CORIN: variants seen among roughly 807,000 people sequenced by gnomAD.
The protein encoded by CORIN is atrial natriuretic peptide-converting enzyme.
A neutral mutation model predicts 125.3 loss-of-function variants in CORIN; 117 were observed. That is an observed-to-expected ratio of 0.93 (90% CI 0.80 to 1.09). The LOEUF (loss-of-function observed/expected upper bound fraction) is 1.09, where lower values mean the gene tolerates loss of function less well. Among genes scored for constraint, CORIN ranks in the 50% least tolerant of loss-of-function variants. The probability of loss-of-function intolerance (pLI) is 0.00; values close to 1 mark genes in which losing one functional copy is unlikely to be tolerated. For synonymous variants in CORIN, 450 were observed against 466.4 expected (o/e 0.96, Z 0.45); for missense variants, 1,253 against 1,306.7 (o/e 0.96, Z 0.63).
At chr4:47,640,631 G>A (rs2109605918) in intron 16 of CORIN, among the ~76,000 whole-genome samples, 1 of 152,172 alleles carries the variant, frequency 6.6e-6, no homozygotes, top group Admixed American at 6.5e-5. Flanking sequence ...GTGGTTAAAT[G>A]GTGAATTTTA....
chr4:47,818,348 G>A (rs551014952), intron 1 of CORIN, among the ~76,000 whole-genome samples: 17 of 152,232 alleles, frequency 1.1e-4, no homozygotes, highest in African/African-American at 3.4e-4. Flanking sequence ...GGTCTAATAC[G>A]CTTAAAGAGT....
At chr4:47,671,676 C>A (rs1192341562) in intron 10 of CORIN, among the ~76,000 whole-genome samples, 2 of 152,192 alleles carry the variant, frequency 1.3e-5, no homozygotes, top group Non-Finnish European at 2.9e-5. Flanking sequence ...CCTCCACCTC[C>A]TGGATTCATG....
Position 47,693,080 on chromosome 4 carries a change from A to T in CORIN, c.803T>A (p.Leu268His), listed in dbSNP as rs1206866667. 8.7e-6 allele frequency: 14 copies of T among 1,606,214 alleles called. No homozygotes were observed. The highest frequency in any genetic ancestry group is 7.7e-6 in the Non-Finnish European group (9 of 1,173,366). ...SPQQENGKQL[L>H]CGRGENFLCA... The stretch of plus-strand genomic sequence containing the variant: ...CAGAAAGTTCTCACCCCTTCCACAG[A>T]GCACTAAAAAAAAAGGGCAGGAAAT... Residue 268 changes from leucine (L) to histidine (H), a missense_variant, in exon 6 of 22, where the codon CTC becomes CAC. By Grantham distance (99) the Leu-to-His change is moderately conservative (BLOSUM62 -3). Coordinates refer to ENST00000273857, the MANE Select transcript of CORIN (RefSeq NM_006587.4).
chr4:47,771,479 G>C (rs192050600), intron 3 of CORIN, among the ~76,000 whole-genome samples: 4 of 152,194 alleles, frequency 2.6e-5, no homozygotes, highest in Non-Finnish European at 5.9e-5. Context: ...TACATGTGCA[G>C]GTATATTACA....
chr4:47,709,489 G>A (rs1227440715), intron 5 of CORIN, among the ~76,000 whole-genome samples: 1 of 151,886 alleles, frequency 6.6e-6, no homozygotes, highest in Non-Finnish European at 1.5e-5. Context: ...AACGGGTTTT[G>A]CCATGTTGCC....
chr4:47,620,217 T>C (rs1160247433), intron 19 of CORIN, among the ~76,000 whole-genome samples: 6 of 152,340 alleles, frequency 3.9e-5, no homozygotes, highest in Middle Eastern at 3.4e-3. Flanking sequence ...GCTGGAACTG[T>C]ATCCTCTACA....
chr4:47,737,322 T>C lies in CORIN; in HGVS notation c.799+7080A>G, dbSNP rs116725647. On this transcript the variant is annotated intron_variant, in intron 5 of 21. Coordinates refer to ENST00000273857, the MANE Select transcript of CORIN (RefSeq NM_006587.4). ...TCTGGCCCATATCACATATACGATC[T>C]GGCCATATATGTCTACCCTTCAAGA... 1.4e-3 allele frequency among the ~76,000 whole-genome samples: 220 copies of C among 152,346 alleles called. 1 individual carries two copies. Among genetic ancestry groups the C allele is most frequent in the African/African-American group, 5.1e-3 (214 of 41,578 alleles).
intron 12 of CORIN, among the ~76,000 whole-genome samples, chr4:47,656,191 T>C (rs1723970628): frequency 1.3e-5 from 2 of 151,254 alleles, no homozygotes; most frequent in African/African-American, 4.9e-5. Flanking sequence ...GTTTCTCCCT[T>C]GTCGCCCAGG....
chr4:47,599,118 C>T (rs1352093102), intron 21 of CORIN, among the ~76,000 whole-genome samples: 1 of 152,152 alleles, frequency 6.6e-6, no homozygotes, highest in Non-Finnish European at 1.5e-5. Flanking sequence ...CATGCTGCCT[C>T]CTACAACACT....
chr4:47,756,446 C>T (rs927595873), intron 4 of CORIN, among the ~76,000 whole-genome samples: 2 of 152,164 alleles, frequency 1.3e-5, no homozygotes, highest in Non-Finnish European at 1.5e-5. Context: ...AGTGAACACA[C>T]ATAATATAAA....
chr4:47,632,449 T>A (rs1722842327), intron 16 of CORIN: 1 of 152,228 alleles, frequency 6.6e-6, no homozygotes, highest in South Asian at 2.1e-4. Context: ...ATATTCTCCC[T>A]GTTTGGGTCC....
intron 5 of CORIN, among the ~76,000 whole-genome samples, chr4:47,709,980 G>C (rs1188117026): frequency 6.6e-6 from 1 of 152,204 alleles, no homozygotes; most frequent in Admixed American, 6.5e-5. Flanking sequence ...TAGAGTTGAT[G>C]AGTCTCATGG....
At chr4:47,706,557 T>C (rs2109768919) in intron 5 of CORIN, 2 of 1,609,680 alleles carry the variant, frequency 1.2e-6, no homozygotes, top group Admixed American at 1.7e-5. Flanking sequence ...ACGTTATACA[T>C]AGGATTTGTG....
At chr4:47,722,994 G>T (rs140568465) in intron 5 of CORIN, among the ~76,000 whole-genome samples, 1 of 152,300 alleles carries the variant, frequency 6.6e-6, no homozygotes, top group African/African-American at 2.4e-5. Context: ...GAACTGTGCA[G>T]CAGTCTTGAC....
At chr4:47,683,485 ACCTTTAC>A in intron 7 of CORIN, 1 of 368,142 alleles carries the variant, frequency 2.7e-6, no homozygotes, top group Non-Finnish European at 4.9e-6. Context: ...TGCATTAACA[ACCTTTAC>A]CAGTCTTCCC....
chr4:47,734,453 T>C (rs1175726945), intron 5 of CORIN, among the ~76,000 whole-genome samples: 1 of 152,226 alleles, frequency 6.6e-6, no homozygotes, highest in African/African-American at 2.4e-5. Flanking sequence ...CTTTCTCTTT[T>C]AAAATATTCA....
At position 47,786,782 on chromosome 4, in the gene CORIN, CGTGTTGGTCGGGATGT is replaced by C; in HGVS notation, c.336_351del (p.His113PhefsTer23). ...GAAGCATCCGTAGTCCAGGCTGGAA[CGTGTTGGTCGGGATGT>C]GCAGTAGACACCACAGTGCTCTGGT... On this transcript the variant is annotated frameshift_variant, in exon 3 of 22. Coordinates refer to ENST00000273857, the MANE Select transcript of CORIN (RefSeq NM_006587.4). LOFTEE classifies it high-confidence loss of function. 6.2e-7 allele frequency: 1 copy of C among 1,614,154 alleles called. No homozygotes were observed. The highest frequency in any genetic ancestry group is 8.5e-7 in the Non-Finnish European group (1 of 1,180,018).
chr4:47,704,986 C>T (rs939013551), intron 5 of CORIN, among the ~76,000 whole-genome samples: 4 of 152,150 alleles, frequency 2.6e-5, no homozygotes, highest in Admixed American at 6.5e-5. Flanking sequence ...AGAGGCATGG[C>T]GACCCAGTGG....
At position 47,680,271 on chromosome 4, in the gene CORIN, C is replaced by T. The variant is rs746414763; in HGVS notation, c.1022-20G>A. 9 of 1,577,510 alleles carry T rather than the reference C, an allele frequency of 5.7e-6. No homozygotes were observed. Among genetic ancestry groups the T allele is most frequent in the East Asian group, 4.5e-5 (2 of 44,512 alleles). On this transcript the variant is annotated intron_variant, in intron 7 of 21. Transcript: ENST00000273857. ...TGCAATCTGGAGAAATGAAAACTCA[C>T]GAGGATGCAGAGAACCAGCATGACT...
Sources: allele counts gnomAD v4.1 joint callset (sites outside exome capture counted in the v4.1 genomes callset), GRCh38; gene constraint gnomAD v4.1.1; transcripts MANE v1.5; gene names NCBI Gene and HGNC (gene_info 2026-07-23, HGNC 2026-07-21).